Variants in RNGTT observed in about 807,000 individuals in gnomAD.
RNGTT encodes the protein mRNA-capping enzyme.
Under a neutral mutation model 79.3 loss-of-function variants are expected in RNGTT, and 33 were observed. That is an observed-to-expected ratio of 0.42 (90% CI 0.32 to 0.56). The LOEUF (loss-of-function observed/expected upper bound fraction) is 0.56, where lower values mean the gene tolerates loss of function less well. RNGTT is among the 20% of genes least tolerant of loss of function. RNGTT has a pLI of 0.17. For synonymous variants in RNGTT, 222 were observed against 235.9 expected (o/e 0.94, Z 0.54); for missense variants, 497 against 739.1 (o/e 0.67, Z 3.80).
chr6:88,741,531 C>T lies in RNGTT; in HGVS notation c.1439+28243G>A, dbSNP rs984590247. On this transcript the variant is annotated intron_variant, in intron 13 of 15. Coordinates refer to ENST00000369485, the MANE Select transcript of RNGTT (RefSeq NM_003800.5). ...TCAATTATACCCCAAACCTCAGCAT[C>T]ACACAATATACCCCATGTTACAAAC... Among the ~76,000 whole-genome samples, 9 of 152,106 alleles carry T rather than the reference C, an allele frequency of 5.9e-5. No individual in the cohort carries two copies. In the South Asian group the frequency reaches 6.2e-4, roughly 10 times the overall value.
Position 88,676,880 on chromosome 6 carries a change from G to C in RNGTT, c.1506+1473C>G, listed in dbSNP as rs544197675. On this transcript the variant is annotated intron_variant, in intron 14 of 15. Transcript: ENST00000369485. ...TGTAATACAACTACCACATGACCCA[G>C]CCATTCCCCTCCTAGATATTTACCC... Among the ~76,000 whole-genome samples, 37 of 152,218 alleles carry C rather than the reference G, an allele frequency of 2.4e-4. 2 individuals are homozygous for C. In the South Asian group the frequency reaches 7.5e-3, roughly 31 times the overall value.
At chr6:88,690,353 G>A (rs933268791) in intron 13 of RNGTT, among the ~76,000 whole-genome samples, 8 of 152,028 alleles carry the variant, frequency 5.3e-5, no homozygotes, top group Non-Finnish European at 1.2e-4. Flanking sequence ...AAGATATACA[G>A]GAATACTCTA....
chr6:88,813,556 T>C (rs1403431548), intron 11 of RNGTT, among the ~76,000 whole-genome samples: 1 of 152,196 alleles, frequency 6.6e-6, no homozygotes, highest in African/African-American at 2.4e-5. Flanking sequence ...AGCAAGCCCT[T>C]TTGCTCGGTA....
chr6:88,882,551 T>C (rs9353631), intron 8 of RNGTT, among the ~76,000 whole-genome samples: 6,245 of 152,218 alleles, frequency 0.041, 187 homozygotes, highest in African/African-American at 0.076. Context: ...AAAAGTTAAA[T>C]AAAATTTAAA....
chr6:88,935,648 A>G (rs771092508), intron 2 of RNGTT, among the ~76,000 whole-genome samples: 5 of 152,180 alleles, frequency 3.3e-5, no homozygotes, highest in African/African-American at 7.2e-5. Flanking sequence ...GAATATGCAG[A>G]TTGCTTTGGA....
At chr6:88,640,552 A>G (rs1278271719) in intron 14 of RNGTT, among the ~76,000 whole-genome samples, 5 of 141,560 alleles carry the variant, frequency 3.5e-5, no homozygotes, top group Admixed American at 1.3e-4. Context: ...GTCTCAAAAA[A>G]AAAAAAAAGA....
chr6:88,636,857 C>G (rs1040402396), intron 14 of RNGTT, among the ~76,000 whole-genome samples: 1 of 151,646 alleles, frequency 6.6e-6, no homozygotes, highest in Non-Finnish European at 1.5e-5. Context: ...TAGTATCTTC[C>G]TCATCTTGCT....
chr6:88,751,703 T>C (rs1166908536), intron 13 of RNGTT, among the ~76,000 whole-genome samples: 2 of 152,058 alleles, frequency 1.3e-5, no homozygotes, highest in South Asian at 2.1e-4. Context: ...GTTAAATCTG[T>C]AGTGTTTATA....
At chr6:88,955,240 G>A (rs145066716) in intron 1 of RNGTT, among the ~76,000 whole-genome samples, 106 of 151,868 alleles carry the variant, frequency 7.0e-4, no homozygotes, top group Non-Finnish European at 1.4e-3. Context: ...AGTGCTAAGA[G>A]GAAAGTTCAT....
At chr6:88,625,157 A>C (rs1439320591) in intron 14 of RNGTT, among the ~76,000 whole-genome samples, 2 of 151,996 alleles carry the variant, frequency 1.3e-5, no homozygotes, top group Non-Finnish European at 2.9e-5. Flanking sequence ...CCATGTTGGA[A>C]AACAGTTTGG....
intron 4 of RNGTT, among the ~76,000 whole-genome samples, chr6:88,924,125 G>A (rs1462785626): frequency 6.6e-6 from 1 of 152,192 alleles, no homozygotes; most frequent in Non-Finnish European, 1.5e-5. Flanking sequence ...AGAACTTTAG[G>A]CTGGTCCCCC....
intron 6 of RNGTT, among the ~76,000 whole-genome samples, chr6:88,902,149 T>C (rs1010948650): frequency 6.6e-5 from 10 of 151,752 alleles, no homozygotes; most frequent in Admixed American, 2.6e-4. Context: ...ATCACACCAC[T>C]GCACTCCAGC....
chr6:88,962,488 T>C (rs1025370504), intron 1 of RNGTT, among the ~76,000 whole-genome samples: 2 of 151,270 alleles, frequency 1.3e-5, no homozygotes, highest in African/African-American at 4.9e-5. Flanking sequence ...ACAAAAAAAT[T>C]ATGGCCAGGC....
intron 2 of RNGTT, among the ~76,000 whole-genome samples, chr6:88,929,562 T>A (rs984309570): frequency 4.3e-4 from 66 of 152,072 alleles, no homozygotes; most frequent in African/African-American, 1.5e-3. Flanking sequence ...AAAGAGAAAA[T>A]GCTAGAGTTT....
chr6:88,884,245 T>C (rs754833472), intron 8 of RNGTT, among the ~76,000 whole-genome samples: 2 of 152,094 alleles, frequency 1.3e-5, no homozygotes, highest in Non-Finnish European at 2.9e-5. Flanking sequence ...CTGGAAACAA[T>C]CTAAATATCT....
intron 13 of RNGTT, among the ~76,000 whole-genome samples, chr6:88,724,849 C>CGGTTTGGTT (rs1218464035): frequency 6.6e-6 from 1 of 152,096 alleles, no homozygotes; most frequent in Non-Finnish European, 1.5e-5. Flanking sequence ...CCCGCCAAAC[C>CGGTTTGGTT]ACTCATCCTG....
At chr6:88,861,960 C>T (rs1311235818) in intron 8 of RNGTT, among the ~76,000 whole-genome samples, 1 of 152,066 alleles carries the variant, frequency 6.6e-6, no homozygotes, top group Non-Finnish European at 1.5e-5. Context: ...GCTTTAGAGG[C>T]TAGTTTAGGC....
At chr6:88,647,918 C>A (rs983866788) in intron 14 of RNGTT, among the ~76,000 whole-genome samples, 3 of 151,574 alleles carry the variant, frequency 2.0e-5, no homozygotes, top group Non-Finnish European at 2.9e-5. Flanking sequence ...CCTGAAATAA[C>A]AACTACGGAA....
At chr6:88,737,487 G>C (rs1367177725) in intron 13 of RNGTT, among the ~76,000 whole-genome samples, 1 of 152,162 alleles carries the variant, frequency 6.6e-6, no homozygotes, top group African/African-American at 2.4e-5. Flanking sequence ...AGGCAGGGCT[G>C]AATGTCTGTC....
Sources: gnomAD v4.1 joint callset for allele counts (sites outside exome capture counted in the v4.1 genomes callset) on GRCh38, gnomAD v4.1.1 for gene constraint, MANE v1.5 for transcripts, NCBI Gene and HGNC (gene_info 2026-07-23, HGNC 2026-07-21) for gene names.